The following WWOX variants were observed in gnomAD, a reference collection of about 807,000 sequenced individuals.
WWOX encodes WW domain containing oxidoreductase, also known as WW domain-containing oxidoreductase.
A neutral mutation model predicts 46.2 loss-of-function variants in WWOX; 69 were observed. The observed-to-expected ratio is 1.49, with a 90% CI of 1.23 to 1.82. The LOEUF is 1.82. Among genes scored for constraint, WWOX ranks in the 40% most tolerant of loss-of-function variants. The pLI is 0.00. For synonymous variants in WWOX, 359 were observed against 202.6 expected (o/e 1.77, Z -6.56); for missense variants, 919 against 542.6 (o/e 1.69, Z -6.89).
intron 8 of WWOX, among the ~76,000 whole-genome samples, chr16:78,572,781 G>A (rs1597287468): frequency 6.6e-6 from 1 of 152,058 alleles, no homozygotes; most frequent in African/African-American, 2.4e-5. Flanking sequence ...CAGGTGTGAG[G>A]GACGGGGCAT....
In WWOX at chr16:79,209,782, G is replaced by C. The variant is rs192472422; in HGVS notation, c.1057-1826G>C. On this transcript the variant is annotated intron_variant, in intron 8 of 8. Transcript: ENST00000566780. ...ACTTCTGCTTCCCTTTTCCCCACAT[G>C]GGATGCAGAAGAGCCAGATAAACCC... 9.2e-4 allele frequency among the ~76,000 whole-genome samples: 140 copies of C among 152,314 alleles called. 2 individuals are homozygous for C. The highest frequency in any genetic ancestry group is 3.0e-3 in the African/African-American group (125 of 41,582).
chr16:78,980,148 G>A (rs763495018), intron 8 of WWOX, among the ~76,000 whole-genome samples: 3 of 152,120 alleles, frequency 2.0e-5, no homozygotes, highest in Non-Finnish European at 4.4e-5. Flanking sequence ...ACCAGTCAAT[G>A]TGTGCCCCCT....
chr16:78,817,990 A>G (rs971874198), intron 8 of WWOX, among the ~76,000 whole-genome samples: 4 of 152,220 alleles, frequency 2.6e-5, no homozygotes, highest in African/African-American at 9.6e-5. Flanking sequence ...GAAGAAAACG[A>G]AGATGGAGTG....
At chr16:78,642,961 G>A (rs148174224) in intron 8 of WWOX, among the ~76,000 whole-genome samples, 53 of 152,214 alleles carry the variant, frequency 3.5e-4, no homozygotes, top group Non-Finnish European at 6.3e-4. Context: ...CCTGCTTCCC[G>A]GTGATTCTCT....
At chr16:78,437,008 T>C (rs2083349871) in intron 8 of WWOX, among the ~76,000 whole-genome samples, 1 of 152,248 alleles carries the variant, frequency 6.6e-6, no homozygotes, top group South Asian at 2.1e-4. Context: ...AATGTCCCTA[T>C]CACCAGATGG....
intron 8 of WWOX, among the ~76,000 whole-genome samples, chr16:78,517,855 ATTTTTTTTTTTTT>A (rs11342538): frequency 4.6e-5 from 4 of 86,394 alleles, no homozygotes; most frequent in Non-Finnish European, 6.8e-5. Context: ...TACACAACCT[ATTTTTTTTTTTTT>A]TTTTTTTTTT....
In WWOX at chr16:78,435,299, C is replaced by T. The variant is rs1264667287; in HGVS notation, c.1056+2547C>T. ...GCAGATGCCCAACCTCCATGCCTAA[C>T]TCCTTTGCCTACCCCACCAGTGTGC... On this transcript the variant is annotated intron_variant, in intron 8 of 8. Coordinates refer to ENST00000566780, the MANE Select transcript of WWOX (RefSeq NM_016373.4). Among the ~76,000 whole-genome samples the T allele has an allele frequency of 2.6e-5, 4 of 152,196 alleles. No homozygotes were observed. The South Asian group carries it at 8.3e-4, about 32-fold the overall frequency.
intron 5 of WWOX, among the ~76,000 whole-genome samples, chr16:78,377,336 C>G (rs2081853779): frequency 6.6e-6 from 1 of 152,170 alleles, no homozygotes; most frequent in Non-Finnish European, 1.5e-5. Flanking sequence ...GATTCTTTAT[C>G]ATATGAATTT....
chr16:78,894,777 G>A (rs1461457674), intron 8 of WWOX, among the ~76,000 whole-genome samples: 1 of 152,108 alleles, frequency 6.6e-6, no homozygotes, highest in African/African-American at 2.4e-5. Flanking sequence ...CCTTGAAGAT[G>A]TTTATCATAT....
At chr16:78,974,509 G>A (rs549505771) in intron 8 of WWOX, among the ~76,000 whole-genome samples, 10 of 152,286 alleles carry the variant, frequency 6.6e-5, no homozygotes, top group South Asian at 2.1e-4. Flanking sequence ...TGATGAATCC[G>A]TCTCTGTTAA....
chr16:79,212,225 A>G lies in WWOX; in HGVS notation c.*429A>G, dbSNP rs975367898. 7.2e-7 allele frequency: 1 copy of G among 1,398,264 alleles called. No individual in the cohort carries two copies. The highest frequency in any genetic ancestry group is 1.5e-5 in the African/African-American group (1 of 68,838). The allele number at this position is 1,398,264 out of a possible 1,614,324, so 86.6% of individuals were successfully genotyped here. ...CTTAGGGAAGAAAAAGCAAGTGTTC[A>G]CTGCTCCTTGCTGCATTGATCCAGG... is the stretch of plus-strand genomic sequence containing the variant. On this transcript the variant is annotated 3_prime_UTR_variant, in exon 9 of 9. Coordinates refer to ENST00000566780, the MANE Select transcript of WWOX (RefSeq NM_016373.4).
chr16:78,110,756 ATTG>A (rs1221590558), intron 3 of WWOX, among the ~76,000 whole-genome samples: 1 of 152,142 alleles, frequency 6.6e-6, no homozygotes, highest in African/African-American at 2.4e-5. Flanking sequence ...GAGAGGTAGT[ATTG>A]TTATTATCCC....
At chr16:78,509,693 C>T (rs150440255) in intron 8 of WWOX, among the ~76,000 whole-genome samples, 1 of 152,094 alleles carries the variant, frequency 6.6e-6, no homozygotes, top group African/African-American at 2.4e-5. Flanking sequence ...ACTGATCAAG[C>T]CTTCACTGTT....
At chr16:78,228,886 T>G (rs565365517) in intron 5 of WWOX, among the ~76,000 whole-genome samples, 2 of 152,298 alleles carry the variant, frequency 1.3e-5, no homozygotes, top group South Asian at 4.1e-4. Flanking sequence ...GTCCGTAAAC[T>G]TCAACTTAAT....
intron 4 of WWOX, among the ~76,000 whole-genome samples, chr16:78,122,683 C>G (rs2033156471): frequency 6.6e-6 from 1 of 151,700 alleles, no homozygotes; most frequent in Non-Finnish European, 1.5e-5. Context: ...CAGCTCACTG[C>G]AACCTCCGCC....
chr16:78,235,176 T>C (rs112788357), intron 5 of WWOX, among the ~76,000 whole-genome samples: 23 of 152,346 alleles, frequency 1.5e-4, no homozygotes, highest in African/African-American at 4.6e-4. Context: ...GTTACTGTTA[T>C]TAGTAGGAAG....
At chr16:78,534,418 T>C (rs2043706375) in intron 8 of WWOX, 1 of 152,216 alleles carries the variant, frequency 6.6e-6, no homozygotes, top group Non-Finnish European at 1.5e-5. Flanking sequence ...ATTGAGAGGC[T>C]CATGGTGAAA....
intron 5 of WWOX, among the ~76,000 whole-genome samples, chr16:78,350,206 T>C (rs1457820053): frequency 1.7e-5 from 2 of 120,894 alleles, no homozygotes; most frequent in African/African-American, 5.6e-5. Context: ...TCTCCATCAG[T>C]TGTGAGGTAT....
chr16:78,142,244 C>A (rs1019844720), intron 4 of WWOX, among the ~76,000 whole-genome samples: 2 of 152,080 alleles, frequency 1.3e-5, no homozygotes, highest in East Asian at 3.9e-4. Context: ...CTTTCAACAG[C>A]TTTTTAAAAA....
Sources: gnomAD v4.1 joint callset for allele counts (sites outside exome capture counted in the v4.1 genomes callset) on GRCh38, gnomAD v4.1.1 for gene constraint, MANE v1.5 for transcripts, NCBI Gene and HGNC (gene_info 2026-07-23, HGNC 2026-07-21) for gene names.